The following LMO7 variants were observed in gnomAD, a reference collection of about 807,000 sequenced individuals.
The protein encoded by LMO7 is LIM domain only protein 7.
Under a neutral mutation model 206.5 loss-of-function variants are expected in LMO7, and 120 were observed. That is an observed-to-expected ratio of 0.58 (90% confidence interval 0.50 to 0.68). The LOEUF (loss-of-function observed/expected upper bound fraction) is 0.68, where lower values mean the gene tolerates loss of function less well. Ranked by LOEUF, LMO7 falls within the 30% of genes least tolerant of loss-of-function variation. The pLI is 0.00. For missense variants in LMO7, 1,959 were observed against 1,957.9 expected, an observed-to-expected ratio of 1.00 and a Z score of -0.01; for synonymous variants, 706 against 681.5, an observed-to-expected ratio of 1.04 and a Z score of -0.56.
intron 14 of LMO7, among the ~76,000 whole-genome samples, chr13:75,822,582 C>A (rs2057685606): frequency 6.6e-6 from 1 of 151,426 alleles, no homozygotes; most frequent in African/African-American, 2.4e-5. Context: ...TGTCTGGTAA[C>A]AAAGCACAAA....
At chr13:75,855,451 G>A (rs1481430723) in intron 29 of LMO7, 83 bp downstream of exon 29, 2 of 764,976 alleles carry the variant, frequency 2.6e-6, no homozygotes, top group Non-Finnish European at 4.4e-6. Flanking sequence ...GGGTGTAGAT[G>A]TGCCACTAAC....
chr13:75,792,419 C>T lies in LMO7; in HGVS notation c.318-2982C>T, dbSNP rs572536761. Among the ~76,000 whole-genome samples, 50 of 152,296 alleles carry T rather than the reference C, an allele frequency of 3.3e-4. No homozygotes were observed. In the South Asian group the frequency reaches 3.5e-3, roughly 11 times the overall value. On this transcript the variant is annotated intron_variant, in intron 4 of 30. Coordinates refer to ENST00000377534, the MANE Select transcript of LMO7 (RefSeq NM_001306080.2). ...ACACAGTGAGACCCAGATCTGACTC[C>T]AAAGCGCAGGCACTTAAACATGGTA...
At chr13:75,747,090 T>G (rs1372204368) in intron 3 of LMO7, among the ~76,000 whole-genome samples, 4 of 152,170 alleles carry the variant, frequency 2.6e-5, no homozygotes, top group Non-Finnish European at 5.9e-5. Flanking sequence ...AAAAATGATC[T>G]GGATGGGCCT....
intron 3 of LMO7, among the ~76,000 whole-genome samples, chr13:75,741,136 A>G (rs1419299499): frequency 2.0e-5 from 3 of 152,220 alleles, no homozygotes; most frequent in African/African-American, 7.2e-5. Flanking sequence ...TTAAAACTAC[A>G]TTGAATAAAT....
At chr13:75,770,292 C>G (rs1416746567) in intron 4 of LMO7, among the ~76,000 whole-genome samples, 2 of 151,596 alleles carry the variant, frequency 1.3e-5, no homozygotes, top group Non-Finnish European at 2.9e-5. Flanking sequence ...AGCTTTTTGT[C>G]CAGGGTAGAG....
intron 1 of LMO7, among the ~76,000 whole-genome samples, chr13:75,690,473 C>G (rs1013298648): frequency 1.7e-4 from 26 of 152,176 alleles, no homozygotes; most frequent in African/African-American, 4.6e-4. Context: ...TTGTATCTGT[C>G]TGAGTACTAG....
intron 1 of LMO7, among the ~76,000 whole-genome samples, chr13:75,669,154 A>G (rs1008562774): frequency 1.3e-5 from 2 of 152,148 alleles, no homozygotes; most frequent in East Asian, 3.8e-4. Flanking sequence ...ACCAAAACCA[A>G]AGTAAGTGGT....
chr13:75,737,494 C>G (rs2045925455), intron 3 of LMO7, among the ~76,000 whole-genome samples: 1 of 149,924 alleles, frequency 6.7e-6, no homozygotes, highest in African/African-American at 2.5e-5. Context: ...TGGCTCACGC[C>G]TGTAATCCCA....
intron 1 of LMO7, among the ~76,000 whole-genome samples, chr13:75,684,545 G>A (rs1304939105): frequency 7.2e-5 from 10 of 139,338 alleles, no homozygotes; most frequent in African/African-American, 2.1e-4. Context: ...GCGCCCGGCC[G>A]GCTTTTTTTT....
intron 1 of LMO7, chr13:75,689,117 C>A (rs976769060): frequency 6.6e-6 from 1 of 152,152 alleles, no homozygotes; most frequent in African/African-American, 2.4e-5. Flanking sequence ...ATTATCTGAT[C>A]TTTATCTTCC....
At chr13:75,694,378 C>T (rs923309127) in intron 1 of LMO7, among the ~76,000 whole-genome samples, 1 of 152,026 alleles carries the variant, frequency 6.6e-6, no homozygotes, top group African/African-American at 2.4e-5. Context: ...CGAAGGGGCT[C>T]GAAGGTAGGT....
intron 1 of LMO7, among the ~76,000 whole-genome samples, chr13:75,681,736 A>ATATATATGTGTATATATATATATATG (rs1566304947): frequency 7.5e-6 from 1 of 133,220 alleles, no homozygotes; most frequent in Admixed American, 7.7e-5. Flanking sequence ...ATATATATAT[A>ATATATATGTGTATATATATATATATG]TATATATATA....
chr13:75,760,765 C>G (rs1284529271), intron 3 of LMO7, 167 bp from the exon 4 acceptor site: 8 of 1,537,608 alleles, frequency 5.2e-6, no homozygotes, highest in Non-Finnish European at 5.2e-6. Flanking sequence ...AAAGGCTGTA[C>G]AAGCCCTATG....
chr13:75,803,758 C>T (rs955803809), intron 7 of LMO7, among the ~76,000 whole-genome samples: 2 of 151,984 alleles, frequency 1.3e-5, no homozygotes, highest in African/African-American at 4.8e-5. Flanking sequence ...CCAGTCCAGC[C>T]TCATATCTAA....
chr13:75,808,567 G>C (rs774407261), intron 10 of LMO7, among the ~76,000 whole-genome samples: 1 of 152,140 alleles, frequency 6.6e-6, no homozygotes, highest in Non-Finnish European at 1.5e-5. Context: ...ACATTTTAGA[G>C]TGTCTGATTT....
intron 4 of LMO7, among the ~76,000 whole-genome samples, chr13:75,777,975 A>G (rs1038538106): frequency 5.3e-5 from 8 of 152,058 alleles, no homozygotes; most frequent in Non-Finnish European, 7.4e-5. Context: ...GGAAAAACAA[A>G]TTAGAGATTA....
intron 1 of LMO7, among the ~76,000 whole-genome samples, chr13:75,660,710 G>A (rs1283241108): frequency 6.6e-6 from 1 of 152,126 alleles, no homozygotes; most frequent in Admixed American, 6.6e-5. Flanking sequence ...TTGTAGAGTA[G>A]GCCATCTACT....
At chr13:75,790,325 C>A (rs772253397) in intron 4 of LMO7, among the ~76,000 whole-genome samples, 2 of 152,160 alleles carry the variant, frequency 1.3e-5, no homozygotes, top group African/African-American at 2.4e-5. Flanking sequence ...TTTTTTAAAT[C>A]TCTCACTAAA....
intron 19 of LMO7, among the ~76,000 whole-genome samples, chr13:75,837,531 T>C (rs1016139652): frequency 2.0e-5 from 3 of 152,188 alleles, no homozygotes; most frequent in African/African-American, 7.2e-5. Flanking sequence ...GACAGATCTA[T>C]GGGAGAAGTC....
Sources: allele counts gnomAD v4.1 joint callset (sites outside exome capture counted in the v4.1 genomes callset), GRCh38; gene constraint gnomAD v4.1.1; transcripts MANE v1.5; gene names NCBI Gene and HGNC (gene_info 2026-07-23, HGNC 2026-07-21).